The following SLC25A32 variants were observed in gnomAD, a reference collection of about 807,000 sequenced individuals.
The protein encoded by SLC25A32 is solute carrier family 25 member 32.
Under a neutral mutation model 39.0 loss-of-function variants are expected in SLC25A32, and 32 were observed. That is an observed-to-expected ratio of 0.82 (90% CI 0.62 to 1.10). The LOEUF (loss-of-function observed/expected upper bound fraction) is 1.10, where lower values mean the gene tolerates loss of function less well. SLC25A32 is among the 50% of genes least tolerant of loss of function. The probability of loss-of-function intolerance (pLI) is 0.00; values close to 1 mark genes in which losing one functional copy is unlikely to be tolerated. For missense variants in SLC25A32, 367 were observed against 395.3 expected, an observed-to-expected ratio of 0.93 and a Z score of 0.61; for synonymous variants, 166 against 152.4, an observed-to-expected ratio of 1.09 and a Z score of -0.66.
At chr8:103,414,078 T>C (rs942496930) in intron 1 of SLC25A32, among the ~76,000 whole-genome samples, 9 of 152,214 alleles carry the variant, frequency 5.9e-5, no homozygotes, top group African/African-American at 2.2e-4. Flanking sequence ...ATAAACAACT[T>C]CTGTAGATTT....
At chr8:103,403,120 A>C (rs750474728) in intron 4 of SLC25A32, 44 bp downstream of exon 4, 2 of 1,421,938 alleles carry the variant, frequency 1.4e-6, no homozygotes, top group East Asian at 2.5e-5. Context: ...GCCAACGGAA[A>C]TTCAAATTTT....
chr8:103,404,842 A>G lies in SLC25A32; in HGVS notation c.325T>C (p.Tyr109His), dbSNP rs753536207. Residue 109 changes from tyrosine (Y) to histidine (H), a missense_variant, in exon 3 of 7, where the codon TAT becomes CAT. Physicochemically the swap from Tyr to His is moderately conservative, Grantham distance 83. Coordinates refer to ENST00000297578, the MANE Select transcript of SLC25A32 (RefSeq NM_030780.5). The part of the protein sequence containing the change: ...YFFFYNAIKS[Y>H]KTEGRAERLE... ...CGTTCAGCTCTTCCTTCTGTTTTAT[A>G]TGACTTGATGGCATTGTAACTAAAA... is the stretch of plus-strand genomic sequence containing the variant. 3 of 1,611,538 alleles carry G rather than the reference A, an allele frequency of 1.9e-6. No homozygotes were observed. Among genetic ancestry groups the G allele is most frequent in the Non-Finnish European group, 2.5e-6 (3 of 1,177,830 alleles).
chr8:103,403,447 A>G (rs1212413974), intron 3 of SLC25A32, 123 bp from the exon 4 acceptor site: 3 of 583,926 alleles, frequency 5.1e-6, no homozygotes, highest in African/African-American at 1.9e-5. Context: ...GCACAGGACC[A>G]TATCTGAAAC....
intron 1 of SLC25A32, among the ~76,000 whole-genome samples, chr8:103,409,415 A>C (rs1816412966): frequency 6.6e-6 from 1 of 151,644 alleles, no homozygotes; most frequent in Non-Finnish European, 1.5e-5. Flanking sequence ...TTACACAGTC[A>C]TTTCTCCACC....
At position 103,414,897 on chromosome 8, in the gene SLC25A32, C is replaced by A; in HGVS notation, c.41G>T (p.Trp14Leu). The change falls in exon 1 of 7, where the codon TGG becomes TTG. Residue 14 changes from tryptophan to leucine, a missense_variant. Coordinates refer to ENST00000297578, the MANE Select transcript of SLC25A32 (RefSeq NM_030780.5). Reference protein sequence around the residue: ...QGQSASGSSAWSTVFRHVRYE... With the variant: ...QGQSASGSSALSTVFRHVRYE... Reference sequence around the variant, plus strand: ...CCGGACGTGGCGGAATACCGTGCTCCACGCCGACGACCCGGACGCCGACTG... The same window carrying A: ...CCGGACGTGGCGGAATACCGTGCTCAACGCCGACGACCCGGACGCCGACTG... 6.2e-7 allele frequency: 1 copy of A among 1,611,970 alleles called. No individual in the cohort carries two copies. The highest frequency in any genetic ancestry group is 8.5e-7 in the Non-Finnish European group (1 of 1,179,404).
chr8:103,410,322 G>T (rs561595636), intron 1 of SLC25A32, among the ~76,000 whole-genome samples: 3 of 152,312 alleles, frequency 2.0e-5, no homozygotes, highest in East Asian at 3.9e-4. Flanking sequence ...CACAGCAGCA[G>T]GTGACCTAGG....
At chr8:103,414,148 T>G (rs963167217) in intron 1 of SLC25A32, among the ~76,000 whole-genome samples, 3 of 152,254 alleles carry the variant, frequency 2.0e-5, no homozygotes, top group Non-Finnish European at 4.4e-5. Flanking sequence ...TTCTGCAATT[T>G]CAGTTATCAA....
At chr8:103,404,464 ACG>A (rs1458321010) in intron 3 of SLC25A32, among the ~76,000 whole-genome samples, 1 of 152,026 alleles carries the variant, frequency 6.6e-6, no homozygotes, top group Non-Finnish European at 1.5e-5. Flanking sequence ...GCGTGGTGGC[ACG>A]TGTCTGTAGT....
At chr8:103,404,649 ATG>A in intron 3 of SLC25A32, 125 bp downstream of exon 3, 1 of 569,242 alleles carries the variant, frequency 1.8e-6, no homozygotes, top group African/African-American at 2.0e-5. Context: ...CAGAAATTCC[ATG>A]TAACTGATTT....
intron 1 of SLC25A32, among the ~76,000 whole-genome samples, chr8:103,411,173 T>C (rs1816455500): frequency 6.6e-6 from 1 of 152,218 alleles, no homozygotes; most frequent in African/African-American, 2.4e-5. Flanking sequence ...AGGTAAAATT[T>C]ATTTCCTACT....
intron 3 of SLC25A32, 39 bp from the exon 4 acceptor site, chr8:103,403,363 T>C (rs1370158807): frequency 1.4e-6 from 2 of 1,408,220 alleles, no homozygotes; most frequent in Non-Finnish European, 1.9e-6. Context: ...AGCATACAGA[T>C]ACTTTCGCAC....
chr8:103,401,748 A>C, intron 5 of SLC25A32, 87 bp from the exon 6 acceptor site: 1 of 1,227,754 alleles, frequency 8.1e-7, no homozygotes, highest in Non-Finnish European at 1.1e-6. Flanking sequence ...AAAACATTTA[A>C]ATGGATCTTT....
chr8:103,407,053 C>A (rs1266417962), intron 2 of SLC25A32, among the ~76,000 whole-genome samples: 1 of 152,138 alleles, frequency 6.6e-6, no homozygotes, highest in Non-Finnish European at 1.5e-5. Flanking sequence ...TCCAAAATCA[C>A]TAATAAATAA....
rs752308059 is a variant in SLC25A32 at position 103,401,560 on chromosome 8, G to A, written c.768C>T (p.His256=). The change falls in exon 6 of 7, where the codon CAC becomes CAT. Residue 256 remains histidine, a synonymous_variant. Coordinates refer to ENST00000297578, the MANE Select transcript of SLC25A32 (RefSeq NM_030780.5). ...QVVRARLQDQ[H]MFYSGVIDVI... ...CATCTATTACACCACTGTAAAACAT[G>A]TGTTGATCCTGAAGACGAGCTCTTA... The A allele has an allele frequency of 1.2e-5, 19 of 1,613,886 alleles. No homozygotes were observed. Among genetic ancestry groups the A allele is most frequent in the Non-Finnish European group, 1.5e-5 (18 of 1,179,866 alleles).
rs1247434347 is a variant in SLC25A32 at position 103,414,852 on chromosome 8, C to A, written c.86G>T (p.Gly29Val). Residue 29 changes from glycine to valine, a missense_variant, in exon 1 of 7, where the codon GGC (glycine) becomes GTC (valine). Physicochemically the swap from Gly to Val is moderately radical, Grantham distance 109. Transcript: ENST00000297578. ...GTTGGATAAGACGCCGCCGCTCACGCCCGCTATCAGGTTCTCATACCGGAC... is the reference window on the plus strand; with the variant it reads ...GTTGGATAAGACGCCGCCGCTCACGACCGCTATCAGGTTCTCATACCGGAC... ...RHVRYENLIA[G>V]VSGGVLSNLA... The A allele has an allele frequency of 1.9e-6, 3 of 1,613,664 alleles. No homozygotes were observed. Among genetic ancestry groups the A allele is most frequent in the Non-Finnish European group, 2.5e-6 (3 of 1,179,980 alleles).
rs988563980 is a variant in SLC25A32 at position 103,400,677 on chromosome 8, T to C, written c.813-131A>G. 5.6e-6 allele frequency: 5 copies of C among 896,968 alleles called. No homozygotes were observed. The African/African-American group carries it at 6.7e-5, about 12-fold the overall frequency. The allele number at this position is 896,968 out of a possible 1,614,324, so 55.6% of individuals were successfully genotyped here. On this transcript the variant is annotated intron_variant, in intron 6 of 6. Coordinates refer to ENST00000297578, the MANE Select transcript of SLC25A32 (RefSeq NM_030780.5). ...CTCTGATTTAAGTTCATGTTTTCAATGTCCTAAAGTAATGTAGTTTATAAG... is the reference window on the plus strand; with the variant it reads ...CTCTGATTTAAGTTCATGTTTTCAACGTCCTAAAGTAATGTAGTTTATAAG...
At chr8:103,407,956 T>A (rs1055051657) in intron 1 of SLC25A32, among the ~76,000 whole-genome samples, 172 bp from the exon 2 acceptor site, 2 of 141,734 alleles carry the variant, frequency 1.4e-5, no homozygotes, top group African/African-American at 2.5e-5. Context: ...CATATATATA[T>A]AAATATATAT....
In SLC25A32 at chr8:103,414,677, AAC is replaced by A. The variant is rs139201908; in HGVS notation, c.154+105_154+106del. 6.4e-6 allele frequency: 3 copies of A among 465,886 alleles called. No homozygotes were observed. Among genetic ancestry groups the A allele is most frequent in the South Asian group, 3.4e-5 (1 of 29,460 alleles). 28.9% of individuals were successfully genotyped at this position (465,886 alleles called of 1,614,324 possible). A position where few individuals can be genotyped will look rare whatever the true frequency, so the allele number is the denominator to read the frequency against. ...GTTCAGGTTAGCCAACGCGGACAGC[AAC>A]GCTCCCTTCAACGCTCCTCCTCCCC... On this transcript the variant is annotated intron_variant, in intron 1 of 6. Transcript: ENST00000297578.
intron 1 of SLC25A32, among the ~76,000 whole-genome samples, chr8:103,408,030 T>TG (rs1287801012): frequency 3.3e-5 from 5 of 150,076 alleles, no homozygotes; most frequent in Non-Finnish European, 7.4e-5. Context: ...CCGGCTGGAG[T>TG]GCAGTGGCAC....
Sources: gnomAD v4.1 joint callset for allele counts (sites outside exome capture counted in the v4.1 genomes callset) on GRCh38, gnomAD v4.1.1 for gene constraint, MANE v1.5 for transcripts, NCBI Gene and HGNC (gene_info 2026-07-23, HGNC 2026-07-21) for gene names.